Variants in BMERB1 observed in about 807,000 individuals in gnomAD.
The protein encoded by BMERB1 is bMERB domain containing 1.
Under a neutral mutation model 23.6 loss-of-function variants are expected in BMERB1, and 12 were observed. That is an observed-to-expected ratio of 0.51 (90% CI 0.33 to 0.82). The LOEUF (loss-of-function observed/expected upper bound fraction) is 0.82, where lower values mean the gene tolerates loss of function less well. BMERB1 is among the 40% of genes least tolerant of loss of function. The pLI, the probability that BMERB1 is intolerant of heterozygous loss-of-function variation, is 0.03. For synonymous variants in BMERB1, 122 were observed against 96.6 expected, an observed-to-expected ratio of 1.26 and a Z score of -1.54; for missense variants, 247 against 255.4, an observed-to-expected ratio of 0.97 and a Z score of 0.22.
At chr16:15,479,978 T>C (rs1008114002) in intron 1 of BMERB1, among the ~76,000 whole-genome samples, 1 of 147,970 alleles carries the variant, frequency 6.8e-6, no homozygotes, top group Non-Finnish European at 1.5e-5. Flanking sequence ...ATTTCTCAGT[T>C]TCAATTTATC....
chr16:15,495,286 C>T (rs1167359748), intron 1 of BMERB1, among the ~76,000 whole-genome samples: 1 of 152,072 alleles, frequency 6.6e-6, no homozygotes, highest in Non-Finnish European at 1.5e-5. Context: ...ATCTCCACCT[C>T]CTGGGTTCAA....
At chr16:15,505,152 A>G (rs1421989841) in intron 1 of BMERB1, among the ~76,000 whole-genome samples, 1 of 152,142 alleles carries the variant, frequency 6.6e-6, no homozygotes, top group Non-Finnish European at 1.5e-5. Flanking sequence ...ATCCTATCCA[A>G]CACAGGTATG....
chr16:15,503,648 C>T (rs530219402), intron 1 of BMERB1, among the ~76,000 whole-genome samples: 21 of 152,194 alleles, frequency 1.4e-4, no homozygotes, highest in African/African-American at 3.1e-4. Flanking sequence ...CAATCCCACA[C>T]GGATACTGAG....
intron 1 of BMERB1, among the ~76,000 whole-genome samples, chr16:15,512,216 A>G (rs1043523456): frequency 1.3e-5 from 2 of 151,926 alleles, no homozygotes; most frequent in Non-Finnish European, 2.9e-5. Flanking sequence ...ATGGAAAGGA[A>G]CTCCAATTTA....
chr16:15,475,653 T>C (rs1005608420), intron 1 of BMERB1, among the ~76,000 whole-genome samples: 1 of 152,156 alleles, frequency 6.6e-6, no homozygotes, highest in African/African-American at 2.4e-5. Flanking sequence ...CTGCTAGACC[T>C]TCCTGATACT....
At chr16:15,485,222 G>A (rs530957679) in intron 1 of BMERB1, among the ~76,000 whole-genome samples, 2 of 152,258 alleles carry the variant, frequency 1.3e-5, no homozygotes, top group East Asian at 1.9e-4. Flanking sequence ...GCCAGGTTCT[G>A]GGTCGTATGT....
In BMERB1 at chr16:15,511,484, A is replaced by AC. The variant is rs1356275814; in HGVS notation, c.107-3816dup. Reference sequence around the variant, plus strand: ...CTCCCACTTATACAGTTGTTCAGTGACCCCCTCTCCAACCCAATAGCAGAT... The same window carrying AC: ...CTCCCACTTATACAGTTGTTCAGTGACCCCCCTCTCCAACCCAATAGCAGAT... On this transcript the variant is annotated intron_variant, in intron 1 of 5. Coordinates refer to ENST00000300006, the MANE Select transcript of BMERB1 (RefSeq NM_033201.3). Among the ~76,000 whole-genome samples the AC allele has an allele frequency of 5.3e-5, 8 of 152,060 alleles. No individual in the cohort carries two copies. In the East Asian group the frequency reaches 7.7e-4, roughly 15 times the overall value.
intron 2 of BMERB1, among the ~76,000 whole-genome samples, chr16:15,524,644 C>T (rs1425955239): frequency 6.6e-6 from 1 of 152,032 alleles, no homozygotes; most frequent in Non-Finnish European, 1.5e-5. Flanking sequence ...GTGGTGTGCA[C>T]CTGAAATCCC....
At chr16:15,581,666 C>A (rs932101392) in intron 4 of BMERB1, among the ~76,000 whole-genome samples, 1 of 152,132 alleles carries the variant, frequency 6.6e-6, no homozygotes, top group Non-Finnish European at 1.5e-5. Context: ...CAGTTTCTAC[C>A]GAAACTCTGC....
At chr16:15,537,058 G>C (rs372695910) in intron 2 of BMERB1, 1 of 152,128 alleles carries the variant, frequency 6.6e-6, no homozygotes, top group African/African-American at 2.4e-5. Flanking sequence ...GTGGTCTCCC[G>C]TGGCGTCAGA....
At chr16:15,534,285 GCAAAAAAAAAAA>G (rs1386806081) in intron 2 of BMERB1, among the ~76,000 whole-genome samples, 2 of 14,776 alleles carry the variant, frequency 1.4e-4, no homozygotes, top group African/African-American at 3.9e-4. Context: ...TTTTTTAATT[GCAAAAAAAAAAA>G]AAAAAAAAAA....
intron 1 of BMERB1, among the ~76,000 whole-genome samples, chr16:15,485,709 C>G (rs541655493): frequency 6.7e-6 from 1 of 150,210 alleles, no homozygotes. Flanking sequence ...TTTTCCCCCC[C>G]AGGCCAAAAA....
chr16:15,441,007 A>C (rs1048526085), intron 1 of BMERB1, among the ~76,000 whole-genome samples: 4 of 152,172 alleles, frequency 2.6e-5, no homozygotes, highest in Non-Finnish European at 5.9e-5. Flanking sequence ...GTAAACGTAA[A>C]GGCCTTGTGC....
At chr16:15,462,449 G>C (rs940525217) in intron 1 of BMERB1, among the ~76,000 whole-genome samples, 1 of 152,080 alleles carries the variant, frequency 6.6e-6, no homozygotes, top group African/African-American at 2.4e-5. Flanking sequence ...ACCACACCTG[G>C]CCTGCATTTT....
intron 3 of BMERB1, 113 bp from the exon 4 acceptor site, chr16:15,581,104 G>A (rs544922769): frequency 3.5e-4 from 236 of 675,440 alleles, no homozygotes; most frequent in Non-Finnish European, 5.3e-4. Flanking sequence ...GGTAGAGATG[G>A]GGTTGTTTCA....
chr16:15,485,708 C>G (rs1362206358), intron 1 of BMERB1, among the ~76,000 whole-genome samples: 2 of 151,180 alleles, frequency 1.3e-5, no homozygotes, highest in Non-Finnish European at 3.0e-5. Context: ...TTTTTCCCCC[C>G]CAGGCCAAAA....
At chr16:15,464,268 G>T (rs1337181635) in intron 1 of BMERB1, among the ~76,000 whole-genome samples, 1 of 149,834 alleles carries the variant, frequency 6.7e-6, no homozygotes, top group Admixed American at 6.7e-5. Context: ...AGCTGAGATT[G>T]GTCCACTGCA....
intron 1 of BMERB1, among the ~76,000 whole-genome samples, chr16:15,510,953 C>T (rs986777263): frequency 3.9e-5 from 6 of 152,100 alleles, no homozygotes; most frequent in Admixed American, 1.3e-4. Context: ...CCGCCCGCTT[C>T]GGCCTCTCAA....
intron 2 of BMERB1, among the ~76,000 whole-genome samples, chr16:15,522,339 A>G (rs1356791621): frequency 6.6e-6 from 1 of 152,144 alleles, no homozygotes; most frequent in Admixed American, 6.5e-5. Flanking sequence ...ACTTCGTTTT[A>G]TTAAGAGGTA....
Sources: gnomAD v4.1 joint callset for allele counts (sites outside exome capture counted in the v4.1 genomes callset) on GRCh38, gnomAD v4.1.1 for gene constraint, MANE v1.5 for transcripts, NCBI Gene and HGNC (gene_info 2026-07-23, HGNC 2026-07-21) for gene names.